The following NRG1 variants were observed in gnomAD, a reference collection of about 807,000 sequenced individuals.
NRG1 encodes the protein neuregulin 1, also known as pro-neuregulin-1, membrane-bound isoform.
NRG1 carries 18 observed loss-of-function variants against 63.8 expected under a neutral mutation model. The observed-to-expected ratio is 0.28, with a 90% confidence interval of 0.19 to 0.42. The LOEUF is 0.42. Ranked by LOEUF, NRG1 falls within the 10% of genes least tolerant of loss-of-function variation. The probability of loss-of-function intolerance (pLI) is 1.00; values close to 1 mark genes in which losing one functional copy is unlikely to be tolerated. For missense variants in NRG1, 762 were observed against 814.7 expected (o/e 0.94, Z 0.79); for synonymous variants, 302 against 301.3 (o/e 1.00, Z -0.02).
At chr8:31,720,189 T>C (rs1044233935) in intron 1 of NRG1, among the ~76,000 whole-genome samples, 2 of 152,200 alleles carry the variant, frequency 1.3e-5, no homozygotes, top group East Asian at 3.8e-4. Context: ...TATTAGATGA[T>C]CTTGCTATCT....
At chr8:32,380,258 T>C (rs1249659095) in intron 1 of NRG1, among the ~76,000 whole-genome samples, 2 of 152,168 alleles carry the variant, frequency 1.3e-5, no homozygotes, top group Non-Finnish European at 2.9e-5. Context: ...GTCTTCCTCT[T>C]ACAATCCTTT....
intron 1 of NRG1, among the ~76,000 whole-genome samples, chr8:32,480,804 C>G (rs1426606642): frequency 6.6e-6 from 1 of 152,102 alleles, no homozygotes; most frequent in Admixed American, 6.6e-5. Context: ...TTTTAAACAA[C>G]CAGATCTCAT....
At chr8:31,826,680 C>T (rs1824601922) in intron 1 of NRG1, among the ~76,000 whole-genome samples, 2 of 152,140 alleles carry the variant, frequency 1.3e-5, no homozygotes, top group South Asian at 4.1e-4. Context: ...TGTCCCAGGA[C>T]AGGAGGTGGC....
exon 12 of NRG1, chr8:32,764,536 AAT>A (rs928783995): frequency 4.9e-6 from 4 of 811,584 alleles, no homozygotes; most frequent in Admixed American, 3.6e-5. Flanking sequence ...TTATAAATTA[AAT>A]ATATGTATGT....
chr8:31,868,189 C>T (rs1198717284), intron 1 of NRG1, among the ~76,000 whole-genome samples: 1 of 143,590 alleles, frequency 7.0e-6, no homozygotes, highest in Non-Finnish European at 1.5e-5. Flanking sequence ...CACACACACA[C>T]ACACAAATAA....
chr8:31,803,189 C>A (rs898361727), intron 1 of NRG1, among the ~76,000 whole-genome samples: 6 of 152,116 alleles, frequency 3.9e-5, no homozygotes, highest in African/African-American at 1.4e-4. Context: ...ATAGGGAAAC[C>A]TATTTTCTCC....
chr8:31,847,772 T>C (rs1826828149), intron 1 of NRG1, among the ~76,000 whole-genome samples: 2 of 152,248 alleles, frequency 1.3e-5, no homozygotes, highest in African/African-American at 4.8e-5. Context: ...TCATTATTTG[T>C]GAATGTCTAA....
chr8:32,158,290 T>A (rs1838371231), intron 1 of NRG1, among the ~76,000 whole-genome samples: 1 of 151,162 alleles, frequency 6.6e-6, no homozygotes, highest in South Asian at 2.1e-4. Flanking sequence ...ACTTTTAAAC[T>A]CTCTACTTAT....
chr8:32,158,983 G>C (rs913794232), intron 1 of NRG1, among the ~76,000 whole-genome samples: 1 of 152,058 alleles, frequency 6.6e-6, no homozygotes, highest in Non-Finnish European at 1.5e-5. Context: ...GTGCTGCCTC[G>C]CTGTGGATTA....
intron 1 of NRG1, among the ~76,000 whole-genome samples, chr8:31,780,755 C>T (rs531787312): frequency 2.0e-5 from 3 of 152,258 alleles, no homozygotes; most frequent in East Asian, 3.9e-4. Context: ...TACAGTCACC[C>T]TATAGATATT....
At chr8:32,541,507 G>GAAA (rs35243395) in intron 1 of NRG1, among the ~76,000 whole-genome samples, 1,689 of 144,074 alleles carry the variant, frequency 0.012, 26 homozygotes, top group African/African-American at 0.036. Flanking sequence ...GAACATACAG[G>GAAA]AAAAAAAAAA....
chr8:31,813,636 C>T (rs1823145672), intron 1 of NRG1, among the ~76,000 whole-genome samples: 1 of 151,442 alleles, frequency 6.6e-6, no homozygotes, highest in African/African-American at 2.4e-5. Context: ...ACTCCCCTGC[C>T]TCAACCCCCT....
At chr8:32,193,778 C>A (rs889181001) in intron 1 of NRG1, among the ~76,000 whole-genome samples, 3 of 152,124 alleles carry the variant, frequency 2.0e-5, no homozygotes, top group African/African-American at 7.2e-5. Flanking sequence ...GGAATCTAAT[C>A]CAATATGACT....
At chr8:32,286,535 G>C (rs990758268) in intron 1 of NRG1, among the ~76,000 whole-genome samples, 1 of 152,238 alleles carries the variant, frequency 6.6e-6, no homozygotes, top group African/African-American at 2.4e-5. Flanking sequence ...GGTCATGGGG[G>C]CAGATCTATG....
At chr8:32,576,568 A>G (rs1187931585) in intron 1 of NRG1, among the ~76,000 whole-genome samples, 2 of 152,114 alleles carry the variant, frequency 1.3e-5, no homozygotes, top group African/African-American at 4.8e-5. Context: ...AAAACAAAAC[A>G]AAACATTTTT....
chr8:32,105,290 G>A (rs913551469), intron 1 of NRG1, among the ~76,000 whole-genome samples: 4 of 152,126 alleles, frequency 2.6e-5, no homozygotes, highest in Non-Finnish European at 5.9e-5. Flanking sequence ...ACCTGACACT[G>A]GGCAATTTAC....
At chr8:32,562,423 T>TA (rs993787769) in intron 1 of NRG1, among the ~76,000 whole-genome samples, 13 of 151,590 alleles carry the variant, frequency 8.6e-5, no homozygotes, top group East Asian at 3.9e-4. Context: ...ATTTTTTTTT[T>TA]AATTTTGTAG....
At chr8:32,549,578 A>G (rs1031950110) in intron 1 of NRG1, among the ~76,000 whole-genome samples, 4 of 152,220 alleles carry the variant, frequency 2.6e-5, no homozygotes, top group African/African-American at 9.6e-5. Context: ...CTTTCCCAAG[A>G]GATGTAAGAA....
intron 1 of NRG1, among the ~76,000 whole-genome samples, chr8:32,486,627 A>AATTTTTTTTTTTTTTTTT (rs71208187): frequency 6.9e-6 from 1 of 145,518 alleles, no homozygotes. Context: ...GAATTGCTGG[A>AATTTTTTTTTTTTTTTTT]TTTTTTTTTT....
Sources: allele counts gnomAD v4.1 joint callset (sites outside exome capture counted in the v4.1 genomes callset), GRCh38; gene constraint gnomAD v4.1.1; transcripts MANE v1.5; gene names NCBI Gene and HGNC (gene_info 2026-07-23, HGNC 2026-07-21).